The following RPS24 variants were observed in gnomAD, a reference collection of about 807,000 sequenced individuals.
RPS24 encodes small ribosomal subunit protein eS24.
For synonymous variants in RPS24, 72 were observed against 55.6 expected (o/e 1.30, Z -1.31); for missense variants, 100 against 162.5 (o/e 0.62, Z 2.09).
intron 5 of RPS24, 80 bp downstream of exon 5, chr10:78,040,305 A>T: frequency 8.8e-7 from 1 of 1,137,284 alleles, no homozygotes; most frequent in Admixed American, 1.7e-5. Context: ...AAAGCAGATC[A>T]TGTGTAGTAC....
intron 3 of RPS24, chr10:78,036,037 A>G: frequency 2.6e-6 from 1 of 386,022 alleles, no homozygotes; most frequent in South Asian, 2.2e-5. Flanking sequence ...CTTAGTTTGG[A>G]TTAAGTCTGC....
chr10:78,039,049 T>C (rs1243005196), intron 4 of RPS24: 1 of 152,198 alleles, frequency 6.6e-6, no homozygotes. Flanking sequence ...GCCCTTGTTC[T>C]TGTGGCATCC....
At chr10:78,041,766 G>GTTGGGGTGT (rs1464893586), downstream of RPS24, among the ~76,000 whole-genome samples, 1 of 152,160 alleles carries the variant, frequency 6.6e-6, no homozygotes, top group Non-Finnish European at 1.5e-5. Flanking sequence ...GCTGGGGGTG[G>GTTGGGGTGT]TTGCTAAGTT....
chr10:78,037,412 T>G, intron 4 of RPS24, 108 bp downstream of exon 4: 1 of 1,463,726 alleles, frequency 6.8e-7, no homozygotes. Context: ...TAATGTTTCT[T>G]CTTTTCCCTC....
chr10:78,036,780 C>T lies in RPS24; in HGVS notation c.280-414C>T, dbSNP rs1045558725. On this transcript the variant is annotated intron_variant, in intron 3 of 5. Coordinates refer to ENST00000372360, the MANE Select transcript of RPS24 (RefSeq NM_033022.4). Reference sequence around the variant, plus strand: ...GTGGGCAGAGTGGAGATGAGTAGATCCGGAATCTCCATGATGTGGGGGTTG... The same window carrying T: ...GTGGGCAGAGTGGAGATGAGTAGATTCGGAATCTCCATGATGTGGGGGTTG... 3.3e-5 allele frequency among the ~76,000 whole-genome samples: 5 copies of T among 152,120 alleles called. No homozygotes were observed. In the South Asian group the frequency reaches 6.2e-4, roughly 19 times the overall value.
chr10:78,047,209 G>T (rs913796142), intron 4 of RPS24, among the ~76,000 whole-genome samples: 3 of 151,540 alleles, frequency 2.0e-5, no homozygotes, highest in Admixed American at 1.3e-4. Context: ...CAGGTGATCC[G>T]CTGGCCTCGG....
At position 78,036,691 on chromosome 10, in the gene RPS24, T is replaced by G. The variant is rs117033526; in HGVS notation, c.280-503T>G. On this transcript the variant is annotated intron_variant, in intron 3 of 5. Coordinates refer to ENST00000372360, the MANE Select transcript of RPS24 (RefSeq NM_033022.4). ...TGAAGCTGAGATCCTTGTAAAGATTTGGAAGTAGTCTTTGTAAAGATACAG... is the reference window on the plus strand; with the variant it reads ...TGAAGCTGAGATCCTTGTAAAGATTGGGAAGTAGTCTTTGTAAAGATACAG... Among the ~76,000 whole-genome samples the G allele has an allele frequency of 7.7e-4, 118 of 152,292 alleles. No individual in the cohort carries two copies. In the East Asian group the frequency reaches 0.015, roughly 20 times the overall value.
chr10:78,040,766 G>A (rs139402381), downstream of RPS24: 1,317 of 1,138,286 alleles, frequency 1.2e-3, 4 homozygotes, highest in Non-Finnish European at 1.0e-3. Flanking sequence ...GCTGATTTCA[G>A]TTGCTGTCCA....
At chr10:78,052,768 A>T (rs1209770784) in intron 4 of RPS24, among the ~76,000 whole-genome samples, 2 of 152,198 alleles carry the variant, frequency 1.3e-5, no homozygotes, top group Non-Finnish European at 2.9e-5. Flanking sequence ...GTCAAGGGCT[A>T]TCATGTGAAA....
At chr10:78,041,720 AGGGAT>A (rs143873511), downstream of RPS24, among the ~76,000 whole-genome samples, 5 of 152,054 alleles carry the variant, frequency 3.3e-5, no homozygotes, top group East Asian at 1.9e-4. Context: ...ACAGTGCTGC[AGGGAT>A]GGGATGGGAT....
chr10:78,051,009 G>C (rs1049370566), intron 4 of RPS24, among the ~76,000 whole-genome samples: 19 of 152,218 alleles, frequency 1.2e-4, no homozygotes, highest in Middle Eastern at 3.4e-3. Flanking sequence ...TGGCCAACCT[G>C]GCAAAACCCT....
intron 1 of RPS24, among the ~76,000 whole-genome samples, chr10:78,034,910 G>A (rs1474454462): frequency 6.6e-6 from 1 of 152,178 alleles, no homozygotes; most frequent in Non-Finnish European, 1.5e-5. Flanking sequence ...TTCTCCTAAG[G>A]GAACAGTTGG....
chr10:78,050,981 A>G (rs535618077), intron 4 of RPS24, among the ~76,000 whole-genome samples: 153 of 152,028 alleles, frequency 1.0e-3, no homozygotes, highest in African/African-American at 3.6e-3. Context: ...ACCTGAGGTC[A>G]GGCGTTCGAG....
At chr10:78,036,085 A>G (rs956116921) in intron 3 of RPS24, 12 of 341,184 alleles carry the variant, frequency 3.5e-5, no homozygotes, top group African/African-American at 2.1e-4. Context: ...GGAACCAGGA[A>G]AAGTTTTTGA....
exon 5 of RPS24, chr10:78,054,630 G>T: frequency 8.4e-6 from 13 of 1,551,706 alleles, no homozygotes; most frequent in Non-Finnish European, 1.1e-5. Flanking sequence ...AAGCCGGGGG[G>T]TTGTGTGGCA....
chr10:78,043,236 C>T (rs1383282698), downstream of RPS24, among the ~76,000 whole-genome samples: 1 of 152,164 alleles, frequency 6.6e-6, no homozygotes, highest in African/African-American at 2.4e-5. Context: ...ATCTCCTGAC[C>T]TTGTGATCCG....
At chr10:78,049,444 C>G (rs140383074) in intron 4 of RPS24, among the ~76,000 whole-genome samples, 33 of 152,312 alleles carry the variant, frequency 2.2e-4, no homozygotes, top group African/African-American at 7.9e-4. Context: ...AGTCAGCTTA[C>G]ACTGCCTTGA....
In RPS24 at chr10:78,037,720, CACTGG is replaced by C. The variant is rs894576191; in HGVS notation, c.390+418_390+422del. 78 of 340,526 alleles carry C rather than the reference CACTGG, an allele frequency of 2.3e-4. No individual in the cohort carries two copies. The Admixed American group carries it at 3.3e-3, about 14-fold the overall frequency. The allele number at this position is 340,526 out of a possible 1,614,324, so 21.1% of individuals were successfully genotyped here. On this transcript the variant is annotated intron_variant, in intron 4 of 5. Coordinates refer to ENST00000372360, the MANE Select transcript of RPS24 (RefSeq NM_033022.4). ...CAATGTGGCCCGTGTTTTCCTGGCA[CACTGG>C]AAAGGCAACTGAGATCTCAGGATTG...
downstream of RPS24, among the ~76,000 whole-genome samples, chr10:78,043,951 TCATTTACCTCCCTCTCCCTTCCA>T (rs1487169185): frequency 7.1e-6 from 1 of 140,384 alleles, no homozygotes; most frequent in Non-Finnish European, 1.5e-5. Context: ...CATGCCTACG[TCATTTACCTCCCTCTCCCTTCCA>T]CATAGGCATT....
Sources: gnomAD v4.1 joint callset for allele counts (sites outside exome capture counted in the v4.1 genomes callset) on GRCh38, gnomAD v4.1.1 for gene constraint, MANE v1.5 for transcripts, NCBI Gene and HGNC (gene_info 2026-07-23, HGNC 2026-07-21) for gene names.